MGAT4C: variants seen among roughly 807,000 people sequenced by gnomAD.
MGAT4C encodes alpha-1,3-mannosyl-glycoprotein 4-beta-N-acetylglucosaminyltransferase C.
In MGAT4C, 19 loss-of-function variants were observed where a neutral mutation model predicts 40.1. The ratio of observed to expected loss-of-function variants is 0.47; its 90% CI spans 0.33 to 0.70. The LOEUF (loss-of-function observed/expected upper bound fraction) is 0.70. Among genes scored for constraint, MGAT4C ranks in the 30% least tolerant of loss-of-function variants. MGAT4C has a pLI of 0.02. For missense variants in MGAT4C, 491 were observed against 563.2 expected (o/e 0.87, Z 1.30); for synonymous variants, 181 against 187.1 (o/e 0.97, Z 0.27).
intron 2 of MGAT4C, among the ~76,000 whole-genome samples, chr12:86,601,668 G>A (rs1444082786): frequency 3.9e-5 from 6 of 152,174 alleles, no homozygotes; most frequent in Non-Finnish European, 8.8e-5. Flanking sequence ...TCACTGAGCT[G>A]TGGGCTGGAG....
At chr12:86,395,126 G>T (rs1323423470) in intron 3 of MGAT4C, among the ~76,000 whole-genome samples, 1 of 152,056 alleles carries the variant, frequency 6.6e-6, no homozygotes, top group East Asian at 1.9e-4. Context: ...GTAATGTAAG[G>T]TTAAAAAGAT....
Position 86,403,770 on chromosome 12 carries a change from C to T in MGAT4C, c.-120+31387G>A, listed in dbSNP as rs150524669. ...GTTTTCCTGAAATACTTTTTATTGTCCTGGAAGAATGAAGATAGTTTGACT... is the reference window on the plus strand; with the variant it reads ...GTTTTCCTGAAATACTTTTTATTGTTCTGGAAGAATGAAGATAGTTTGACT... On this transcript the variant is annotated intron_variant, in intron 3 of 7. Transcript: ENST00000548651. 3.0e-3 allele frequency among the ~76,000 whole-genome samples: 451 copies of T among 152,106 alleles called. 2 individuals are homozygous for T. The highest frequency in any genetic ancestry group is 0.01 in the African/African-American group (432 of 41,518).
chr12:86,480,090 C>A (rs1411460858), intron 2 of MGAT4C, among the ~76,000 whole-genome samples: 1 of 151,480 alleles, frequency 6.6e-6, no homozygotes, highest in Non-Finnish European at 1.5e-5. Context: ...TATTATGATT[C>A]AAATTTACAC....
At position 86,451,387 on chromosome 12, in the gene MGAT4C, T is replaced by G. The variant is rs1179398732; in HGVS notation, c.-228-16122A>C. On this transcript the variant is annotated intron_variant, in intron 2 of 7. Transcript: ENST00000548651. ...AATCATGTGCCAACTAAACATCTTT[T>G]CTTATAAAGTAGCCAGTCTCAGGTA... is the stretch of plus-strand genomic sequence containing the variant. Among the ~76,000 whole-genome samples the G allele has an allele frequency of 3.9e-5, 6 of 152,304 alleles. No homozygotes were observed. In the East Asian group the frequency reaches 1.2e-3, roughly 29 times the overall value.
At position 86,561,563 on chromosome 12, in the gene MGAT4C, G is replaced by C. The variant is rs117426381; in HGVS notation, c.-228-126298C>G. 6.3e-3 allele frequency among the ~76,000 whole-genome samples: 966 copies of C among 152,264 alleles called. 6 individuals carry two copies. Among genetic ancestry groups the C allele is most frequent in the Non-Finnish European group, 8.9e-3 (607 of 68,020 alleles). ...CTTTTGGACTCTTGAACTTATACCA[G>C]TGGTTTTCCAGGGGCTCTCAGGTCT... is the stretch of plus-strand genomic sequence containing the variant. On this transcript the variant is annotated intron_variant, in intron 2 of 7. Transcript: ENST00000548651.
intron 3 of MGAT4C, among the ~76,000 whole-genome samples, chr12:86,393,465 A>T (rs1211291070): frequency 7.9e-5 from 12 of 152,188 alleles, no homozygotes. Flanking sequence ...TGGAGAGACA[A>T]AATTTTTTTT....
intron 4 of MGAT4C, among the ~76,000 whole-genome samples, chr12:86,261,821 A>T (rs1250901055): frequency 1.3e-5 from 2 of 152,034 alleles, no homozygotes; most frequent in South Asian, 2.1e-4. Flanking sequence ...CACATTACAG[A>T]ATGTAAATGA....
At chr12:86,797,728 T>G (rs1952153722) in intron 1 of MGAT4C, among the ~76,000 whole-genome samples, 1 of 151,998 alleles carries the variant, frequency 6.6e-6, no homozygotes, top group Admixed American at 6.6e-5. Flanking sequence ...ATCAATCCTG[T>G]AACTTGTCCT....
chr12:86,282,998 T>C (rs1349379610), intron 4 of MGAT4C, among the ~76,000 whole-genome samples: 1 of 152,080 alleles, frequency 6.6e-6, no homozygotes, highest in Admixed American at 6.6e-5. Flanking sequence ...ATATATCATC[T>C]TGGGCATGTG....
chr12:86,350,841 TA>T (rs1955141302), intron 3 of MGAT4C, among the ~76,000 whole-genome samples: 1 of 152,110 alleles, frequency 6.6e-6, no homozygotes, highest in South Asian at 2.1e-4. Flanking sequence ...CTCACATAAT[TA>T]TGCATTTCTG....
chr12:86,503,783 TGCTC>T (rs1958417860), intron 2 of MGAT4C, among the ~76,000 whole-genome samples: 2 of 26,092 alleles, frequency 7.7e-5, no homozygotes, highest in Non-Finnish European at 6.7e-5. Context: ...TATAGAGTTC[TGCTC>T]ATATATATAT....
chr12:85,985,291 C>T (rs1315043003), intron 3 of MGAT4C, among the ~76,000 whole-genome samples: 1 of 152,160 alleles, frequency 6.6e-6, no homozygotes, highest in Admixed American at 6.5e-5. Context: ...TACTTCGCAT[C>T]AATCTCGAGT....
chr12:86,630,551 A>G (rs1350088255), intron 2 of MGAT4C, among the ~76,000 whole-genome samples: 1 of 152,214 alleles, frequency 6.6e-6, no homozygotes, highest in Non-Finnish European at 1.5e-5. Context: ...AAGCTTATCC[A>G]CCAAGATCAA....
rs1272306828 is a variant in MGAT4C, at chr12:85,959,026, A to G, written c.*20263T>C. The G allele has an allele frequency of 2.0e-5, 2 of 99,290 alleles. No individual in the cohort carries two copies. The highest frequency in any genetic ancestry group is 4.6e-5 in the African/African-American group (1 of 21,826). 6.2% of individuals were successfully genotyped at this position (99,290 alleles called of 1,614,324 possible). On this transcript the variant is annotated 3_prime_UTR_variant, in exon 5 of 5. Coordinates refer to ENST00000611864, the MANE Select transcript of MGAT4C (RefSeq NM_001351288.2). ...TTATTAAATCTCTGGTAACCACTAT[A>G]CAATACAATACAATACAATACAATA...
intron 1 of MGAT4C, among the ~76,000 whole-genome samples, chr12:86,753,249 G>A (rs577360874): frequency 4.0e-4 from 61 of 152,204 alleles, no homozygotes; most frequent in Admixed American, 9.2e-4. Context: ...AGGAACACCC[G>A]GCCTGCCCAG....
chr12:86,708,936 G>C (rs1399092137), intron 2 of MGAT4C, among the ~76,000 whole-genome samples: 1 of 152,168 alleles, frequency 6.6e-6, no homozygotes, highest in Non-Finnish European at 1.5e-5. Context: ...AGAGACATTG[G>C]ACTGTGGACT....
At chr12:86,503,725 TGAGTTCTGCTC>T in intron 2 of MGAT4C, among the ~76,000 whole-genome samples, 1 of 83,024 alleles carries the variant, frequency 1.2e-5, no homozygotes, top group Non-Finnish European at 2.3e-5. Context: ...TATATATATA[TGAGTTCTGCTC>T]ATATATATAT....
chr12:86,209,232 T>A (rs1950368996), intron 1 of MGAT4C, among the ~76,000 whole-genome samples: 1 of 152,076 alleles, frequency 6.6e-6, no homozygotes, highest in Non-Finnish European at 1.5e-5. Context: ...TGAAGGTAGA[T>A]AGCACTTAAT....
chr12:86,236,271 C>T (rs572263392), intron 1 of MGAT4C, among the ~76,000 whole-genome samples: 1 of 152,140 alleles, frequency 6.6e-6, no homozygotes, highest in African/African-American at 2.4e-5. Context: ...GGATTCTTTT[C>T]AGCACTCAGC....
Sources: gnomAD v4.1 joint callset for allele counts (sites outside exome capture counted in the v4.1 genomes callset) on GRCh38, gnomAD v4.1.1 for gene constraint, MANE v1.5 for transcripts, NCBI Gene and HGNC (gene_info 2026-07-23, HGNC 2026-07-21) for gene names.